SMG6: variants seen among roughly 807,000 people sequenced by gnomAD.
The protein encoded by SMG6 is SMG6 nonsense mediated mRNA decay factor, also known as telomerase-binding protein EST1A.
In SMG6, 66 loss-of-function variants were observed where a neutral mutation model predicts 142.2. The ratio of observed to expected loss-of-function variants is 0.46; its 90% confidence interval spans 0.38 to 0.57. The LOEUF is 0.57. Among genes scored for constraint, SMG6 ranks in the 20% least tolerant of loss-of-function variants. The pLI is 0.00. For synonymous variants in SMG6, 779 were observed against 702.4 expected (o/e 1.11, Z -1.72); for missense variants, 1,793 against 1,832.0 (o/e 0.98, Z 0.39).
chr17:2,189,920 C>A (rs1372545391), intron 10 of SMG6, among the ~76,000 whole-genome samples: 1 of 152,218 alleles, frequency 6.6e-6, no homozygotes, highest in Admixed American at 6.5e-5. Context: ...ATGTCACCCT[C>A]TGACTTTCCA....
At chr17:2,275,119 C>T (rs958082271) in intron 8 of SMG6, among the ~76,000 whole-genome samples, 2 of 152,008 alleles carry the variant, frequency 1.3e-5, no homozygotes, top group African/African-American at 4.8e-5. Flanking sequence ...TGTGCTCCTT[C>T]CTACATATAT....
chr17:2,228,570 C>T (rs2073382850), intron 10 of SMG6, among the ~76,000 whole-genome samples: 1 of 151,590 alleles, frequency 6.6e-6, no homozygotes, highest in African/African-American at 2.4e-5. Context: ...CCCACGTTGA[C>T]CAGGCTGGTC....
At chr17:2,130,707 A>G (rs1305760303) in intron 13 of SMG6, among the ~76,000 whole-genome samples, 4 of 151,924 alleles carry the variant, frequency 2.6e-5, no homozygotes, top group Non-Finnish European at 5.9e-5. Flanking sequence ...TAAAATTGCA[A>G]TTACTCTTGG....
At chr17:2,177,730 T>TG (rs1324731385) in intron 12 of SMG6, among the ~76,000 whole-genome samples, 3 of 152,182 alleles carry the variant, frequency 2.0e-5, no homozygotes, top group Admixed American at 6.5e-5. Flanking sequence ...GGAAACAAGT[T>TG]GGGTCTTCTG....
At position 2,179,487 on chromosome 17, in the gene SMG6, A is replaced by C. The variant is rs572837316; in HGVS notation, c.3156-6628T>G. On this transcript the variant is annotated intron_variant, in intron 12 of 18. Coordinates refer to ENST00000263073, the MANE Select transcript of SMG6 (RefSeq NM_017575.5). ...TATCCCTCTTTCTCCCTATGTGACA[A>C]GACCTCAGAGGGCTCCCTACGACCC... 3.3e-5 allele frequency among the ~76,000 whole-genome samples: 5 copies of C among 152,264 alleles called. No individual in the cohort carries two copies. In the South Asian group the frequency reaches 1.0e-3, roughly 32 times the overall value.
chr17:2,099,403 T>C (rs923499103), intron 13 of SMG6, among the ~76,000 whole-genome samples: 2 of 152,012 alleles, frequency 1.3e-5, no homozygotes, highest in African/African-American at 4.8e-5. Flanking sequence ...CTTAACTCCA[T>C]GGAGGCTGTT....
intron 10 of SMG6, among the ~76,000 whole-genome samples, chr17:2,194,149 G>C (rs2072247350): frequency 6.6e-6 from 1 of 152,174 alleles, no homozygotes; most frequent in Middle Eastern, 3.2e-3. Flanking sequence ...GTTGGTGGAT[G>C]CAGGGGGGAC....
chr17:2,195,465 C>T (rs2072295818), intron 10 of SMG6, among the ~76,000 whole-genome samples: 1 of 152,186 alleles, frequency 6.6e-6, no homozygotes, highest in African/African-American at 2.4e-5. Flanking sequence ...AATTGTTATT[C>T]ATACAGTAGG....
At chr17:2,282,565 T>C (rs2151379348) in intron 8 of SMG6, 82 bp downstream of exon 8, 1 of 1,366,392 alleles carries the variant, frequency 7.3e-7, no homozygotes, top group East Asian at 2.3e-5. Flanking sequence ...GTGGGAAGTA[T>C]CTGTGCCTCA....
At chr17:2,246,861 G>A (rs770249010) in intron 8 of SMG6, among the ~76,000 whole-genome samples, 1 of 152,160 alleles carries the variant, frequency 6.6e-6, no homozygotes, top group Non-Finnish European at 1.5e-5. Flanking sequence ...CAGGAGAATC[G>A]CTTGAACCCG....
chr17:2,274,433 G>C (rs1046395461), intron 8 of SMG6, among the ~76,000 whole-genome samples: 2 of 152,066 alleles, frequency 1.3e-5, no homozygotes, highest in Non-Finnish European at 2.9e-5. Flanking sequence ...CCTGAAAAAA[G>C]ACATTATGCA....
In SMG6 at chr17:2,158,551, C is replaced by T. The variant is rs561671152; in HGVS notation, c.3357+14107G>A. ...ACGAAAACATCAAACCTTCAAAAGC[C>T]TTTGTCCTAAATGATGGCAATTCTA... On this transcript the variant is annotated intron_variant, in intron 13 of 18. Transcript: ENST00000263073. Among the ~76,000 whole-genome samples, 5 of 152,274 alleles carry T rather than the reference C, an allele frequency of 3.3e-5. No homozygotes were observed. The East Asian group carries it at 7.7e-4, about 24-fold the overall frequency.
intron 13 of SMG6, among the ~76,000 whole-genome samples, chr17:2,103,535 G>A (rs2069069911): frequency 1.3e-5 from 2 of 152,200 alleles, no homozygotes; most frequent in East Asian, 1.9e-4. Context: ...TCCAAACTAA[G>A]TTTTTGGCTT....
At chr17:2,099,999 AC>A (rs2068960839) in intron 13 of SMG6, among the ~76,000 whole-genome samples, 1 of 150,398 alleles carries the variant, frequency 6.6e-6, no homozygotes, top group Non-Finnish European at 1.5e-5. Flanking sequence ...AGTAGCTGGG[AC>A]TACAGGTGCC....
chr17:2,222,705 C>T (rs987125151), intron 10 of SMG6, among the ~76,000 whole-genome samples: 12 of 151,782 alleles, frequency 7.9e-5, no homozygotes, highest in Admixed American at 6.6e-4. Context: ...TGGGAAGGAA[C>T]GAGAGAGGTA....
At chr17:2,207,904 C>G (rs1047100114) in intron 10 of SMG6, among the ~76,000 whole-genome samples, 9 of 152,142 alleles carry the variant, frequency 5.9e-5, no homozygotes, top group Non-Finnish European at 1.3e-4. Flanking sequence ...TAGAACTGAC[C>G]TGCTTCTGCC....
intron 13 of SMG6, among the ~76,000 whole-genome samples, chr17:2,141,854 A>T (rs943423654): frequency 7.2e-5 from 11 of 152,162 alleles, no homozygotes; most frequent in African/African-American, 2.7e-4. Flanking sequence ...TAGATAAGAG[A>T]CTGGCCCTGA....
Position 2,246,365 on chromosome 17 carries a change from T to A in SMG6, c.2662-1646A>T, listed in dbSNP as rs142703807. 2.4e-4 allele frequency among the ~76,000 whole-genome samples: 36 copies of A among 152,330 alleles called. No individual in the cohort carries two copies. In the East Asian group the frequency reaches 4.4e-3, roughly 19 times the overall value. Reference sequence around the variant, plus strand: ...CAAGGAGTCCAGTATCGCTGGGCAGTCTGCCCCACAAGGAGAAAGTCCCTG... The same window carrying A: ...CAAGGAGTCCAGTATCGCTGGGCAGACTGCCCCACAAGGAGAAAGTCCCTG... On this transcript the variant is annotated intron_variant, in intron 8 of 18. Transcript: ENST00000263073.
chr17:2,169,483 T>C (rs62069291), intron 13 of SMG6, among the ~76,000 whole-genome samples: 3,604 of 152,284 alleles, frequency 0.024, 51 homozygotes, highest in East Asian at 0.053. Context: ...CCACTTTATA[T>C]GATTATATGA....
Sources: gnomAD v4.1 joint callset for allele counts (sites outside exome capture counted in the v4.1 genomes callset) on GRCh38, gnomAD v4.1.1 for gene constraint, MANE v1.5 for transcripts, NCBI Gene and HGNC (gene_info 2026-07-23, HGNC 2026-07-21) for gene names.